The following DSCAM variants were observed in gnomAD, a reference collection of about 807,000 sequenced individuals.
The protein encoded by DSCAM is cell adhesion molecule DSCAM.
DSCAM carries 47 observed loss-of-function variants against 217.7 expected under a neutral mutation model. That is an observed-to-expected ratio of 0.22 (90% CI 0.17 to 0.28). The LOEUF is 0.28. DSCAM is among the 10% of genes least tolerant of loss of function. The pLI is 1.00. For synonymous variants in DSCAM, 1,056 were observed against 1,015.3 expected (o/e 1.04, Z -0.76); for missense variants, 2,080 against 2,618.3 (o/e 0.79, Z 4.49).
At chr21:40,409,382 A>G (rs2075303948) in intron 3 of DSCAM, among the ~76,000 whole-genome samples, 1 of 152,236 alleles carries the variant, frequency 6.6e-6, no homozygotes, top group African/African-American at 2.4e-5. Context: ...TGAAATAAGG[A>G]AAGCGAACAA....
intron 1 of DSCAM, among the ~76,000 whole-genome samples, chr21:40,804,616 C>A (rs989977339): frequency 2.0e-5 from 3 of 152,144 alleles, no homozygotes; most frequent in African/African-American, 7.2e-5. Flanking sequence ...CCTAACCTGC[C>A]TCCTGCCCTG....
chr21:40,105,896 A>T (rs2089813348), intron 20 of DSCAM, among the ~76,000 whole-genome samples: 1 of 152,208 alleles, frequency 6.6e-6, no homozygotes, highest in Non-Finnish European at 1.5e-5. Flanking sequence ...TGTTTATGTG[A>T]TGAATCACAT....
intron 9 of DSCAM, among the ~76,000 whole-genome samples, chr21:40,299,816 T>A (rs899366605): frequency 6.6e-5 from 10 of 152,160 alleles, no homozygotes; most frequent in Non-Finnish European, 8.8e-5. Flanking sequence ...GTTTATTTTT[T>A]AAAAAGTGCA....
At chr21:40,152,568 G>A (rs2090434741) in intron 16 of DSCAM, among the ~76,000 whole-genome samples, 1 of 151,272 alleles carries the variant, frequency 6.6e-6, no homozygotes, top group Non-Finnish European at 1.5e-5. Context: ...CCTCCCAGAT[G>A]CCCTTTCTCC....
intron 11 of DSCAM, among the ~76,000 whole-genome samples, chr21:40,232,483 G>A (rs1026360997): frequency 1.3e-5 from 2 of 152,136 alleles, no homozygotes; most frequent in Admixed American, 1.3e-4. Flanking sequence ...CTCTACAAGG[G>A]ACTTCTCTGG....
At chr21:40,731,728 ACCC>A (rs148482159) in intron 1 of DSCAM, among the ~76,000 whole-genome samples, 5 of 79,676 alleles carry the variant, frequency 6.3e-5, no homozygotes, top group Non-Finnish European at 1.3e-4. Context: ...TTCCCACTGC[ACCC>A]CCCCCCCCGC....
At chr21:40,068,055 T>G (rs1274743111) in intron 27 of DSCAM, among the ~76,000 whole-genome samples, 2 of 152,024 alleles carry the variant, frequency 1.3e-5, no homozygotes, top group African/African-American at 4.8e-5. Flanking sequence ...CACACTTCCA[T>G]CCTTGGCTCT....
intron 3 of DSCAM, among the ~76,000 whole-genome samples, chr21:40,453,131 A>C (rs73361106): frequency 0.018 from 2,696 of 151,886 alleles, 87 homozygotes; most frequent in African/African-American, 0.061. Context: ...GCAAACACAC[A>C]TAAGTAATAT....
At chr21:40,405,013 G>A (rs754444678) in intron 3 of DSCAM, among the ~76,000 whole-genome samples, 2 of 152,174 alleles carry the variant, frequency 1.3e-5, no homozygotes, top group African/African-American at 2.4e-5. Context: ...TATTATTCAA[G>A]TTGAGCTATT....
chr21:40,033,274 T>G (rs2088564325), intron 32 of DSCAM, among the ~76,000 whole-genome samples: 1 of 152,218 alleles, frequency 6.6e-6, no homozygotes, highest in African/African-American at 2.4e-5. Context: ...CGGGTTCATC[T>G]CACTAGGGAG....
intron 19 of DSCAM, among the ~76,000 whole-genome samples, chr21:40,127,015 G>T (rs141977493): frequency 1.3e-5 from 2 of 152,100 alleles, no homozygotes; most frequent in Non-Finnish European, 2.9e-5. Context: ...GGTTTCATGC[G>T]GCTCTAGCAC....
intron 8 of DSCAM, among the ~76,000 whole-genome samples, chr21:40,332,334 G>A (rs529170911): frequency 5.3e-5 from 8 of 152,192 alleles, no homozygotes; most frequent in Middle Eastern, 3.4e-3. Context: ...AAACATCTGC[G>A]TTTGAGTCTT....
intron 11 of DSCAM, among the ~76,000 whole-genome samples, chr21:40,209,224 TAAGG>T (rs2091157731): frequency 6.6e-6 from 1 of 152,118 alleles, no homozygotes; most frequent in Non-Finnish European, 1.5e-5. Context: ...AGGAGGTTGT[TAAGG>T]AAGCAGTGGG....
intron 1 of DSCAM, among the ~76,000 whole-genome samples, chr21:40,808,122 C>T (rs2091804393): frequency 6.6e-6 from 1 of 152,130 alleles, no homozygotes; most frequent in African/African-American, 2.4e-5. Context: ...GTTGCTGGAG[C>T]CCAACTCAAT....
Position 40,097,957 on chromosome 21 carries a change from AGAAAGAAAG to A in DSCAM, c.3697-4092_3697-4084del, listed in dbSNP as rs1330015863. Among the ~76,000 whole-genome samples, 29 of 59,036 alleles carry A rather than the reference AGAAAGAAAG, an allele frequency of 4.9e-4. 5 individuals carry two copies. Among genetic ancestry groups the A allele is most frequent in the African/African-American group, 1.1e-3 (14 of 13,254 alleles). 38.7% of individuals were successfully genotyped at this position (59,036 alleles called of 152,430 possible). On this transcript the variant is annotated intron_variant, in intron 20 of 32. Coordinates refer to ENST00000400454, the MANE Select transcript of DSCAM (RefSeq NM_001389.5). ...CTCTGTCTCAAAAAAAAAAAAAAAAAGAAAGAAAGAAAGAAAGAAAGAAAGAAAGAAAGA... is the reference window on the plus strand; with the variant it reads ...CTCTGTCTCAAAAAAAAAAAAAAAAAAAAGAAAGAAAGAAAGAAAGAAAGA...
intron 9 of DSCAM, among the ~76,000 whole-genome samples, chr21:40,300,330 T>G (rs996593963): frequency 1.3e-5 from 2 of 152,216 alleles, no homozygotes; most frequent in Non-Finnish European, 2.9e-5. Context: ...ATCCTCTTCT[T>G]TCATTTCTTT....
chr21:40,594,696 T>C (rs981030467), intron 3 of DSCAM, among the ~76,000 whole-genome samples: 1 of 151,372 alleles, frequency 6.6e-6, no homozygotes, highest in African/African-American at 2.4e-5. Context: ...CAATAACTTG[T>C]AGATAATCAA....
chr21:40,053,637 C>G (rs2088968272), intron 29 of DSCAM, among the ~76,000 whole-genome samples: 1 of 152,194 alleles, frequency 6.6e-6, no homozygotes, highest in Non-Finnish European at 1.5e-5. Flanking sequence ...TTTTGAAGCA[C>G]CACAGTTCCA....
chr21:40,089,466 C>G (rs1159017153), intron 21 of DSCAM, among the ~76,000 whole-genome samples: 2 of 152,212 alleles, frequency 1.3e-5, no homozygotes, highest in African/African-American at 4.8e-5. Flanking sequence ...GCTCTCTGTG[C>G]CTTCGTGTCC....
Sources: gnomAD v4.1 joint callset for allele counts (sites outside exome capture counted in the v4.1 genomes callset) on GRCh38, gnomAD v4.1.1 for gene constraint, MANE v1.5 for transcripts, NCBI Gene and HGNC (gene_info 2026-07-23, HGNC 2026-07-21) for gene names.